SCAPER: variants seen among roughly 807,000 people sequenced by gnomAD.
SCAPER encodes S-phase cyclin A associated protein in the ER.
Under a neutral mutation model 182.2 loss-of-function variants are expected in SCAPER, and 98 were observed. The observed-to-expected ratio is 0.54, with a 90% confidence interval of 0.46 to 0.64. SCAPER has a LOEUF of 0.64. Among genes scored for constraint, SCAPER ranks in the 30% least tolerant of loss-of-function variants. The pLI, the probability that SCAPER is intolerant of heterozygous loss-of-function variation, is 0.00. For synonymous variants in SCAPER, 605 were observed against 564.6 expected (o/e 1.07, Z -1.01); for missense variants, 1,432 against 1,690.0 (o/e 0.85, Z 2.68).
intron 27 of SCAPER, among the ~76,000 whole-genome samples, chr15:76,404,033 T>C (rs2044650009): frequency 1.3e-5 from 2 of 152,162 alleles, no homozygotes; most frequent in African/African-American, 2.4e-5. Flanking sequence ...CAGGGACCTA[T>C]TGTTTTAGAT....
At chr15:76,448,686 A>G (rs964041833) in intron 25 of SCAPER, among the ~76,000 whole-genome samples, 2 of 152,220 alleles carry the variant, frequency 1.3e-5, no homozygotes, top group African/African-American at 4.8e-5. Context: ...AAAATGGCCT[A>G]GCAGGAGGAA....
chr15:76,626,271 T>C (rs1304032332), intron 21 of SCAPER, among the ~76,000 whole-genome samples: 1 of 152,200 alleles, frequency 6.6e-6, no homozygotes, highest in African/African-American at 2.4e-5. Flanking sequence ...TCCCATTTGA[T>C]TCACTTTTAG....
intron 21 of SCAPER, 41 bp from the exon 22 acceptor site, chr15:76,621,870 A>G (rs759077198): frequency 7.1e-7 from 1 of 1,415,052 alleles, no homozygotes; most frequent in South Asian, 1.2e-5. Flanking sequence ...TTTCACTGCT[A>G]ATTTTTATAA....
chr15:76,753,685 TA>T, intron 15 of SCAPER, 122 bp downstream of exon 15: 1 of 1,138,384 alleles, frequency 8.8e-7, no homozygotes, highest in Non-Finnish European at 1.2e-6. Flanking sequence ...AATGAGTGTG[TA>T]AAATGCTGTT....
intron 22 of SCAPER, among the ~76,000 whole-genome samples, chr15:76,590,147 C>T (rs1374540904): frequency 6.6e-6 from 1 of 152,178 alleles, no homozygotes; most frequent in Non-Finnish European, 1.5e-5. Flanking sequence ...CAGTGCAAGT[C>T]TCCACACACA....
At chr15:76,716,390 C>A (rs2059890112) in intron 17 of SCAPER, among the ~76,000 whole-genome samples, 1 of 151,864 alleles carries the variant, frequency 6.6e-6, no homozygotes, top group South Asian at 2.1e-4. Flanking sequence ...GGCAGGGTCA[C>A]AAGAAACATG....
At chr15:76,399,279 A>G (rs538867935) in intron 27 of SCAPER, among the ~76,000 whole-genome samples, 1 of 152,212 alleles carries the variant, frequency 6.6e-6, no homozygotes, top group South Asian at 2.1e-4. Context: ...CTGGGATTAC[A>G]GGTGCCTGCC....
intron 1 of SCAPER, among the ~76,000 whole-genome samples, chr15:76,895,730 T>C (rs981951431): frequency 1.3e-5 from 2 of 151,746 alleles, no homozygotes; most frequent in African/African-American, 4.8e-5. Flanking sequence ...CAATGAACCA[T>C]CCAAAAAAGA....
At chr15:76,656,977 C>T (rs2055700294) in intron 21 of SCAPER, among the ~76,000 whole-genome samples, 2 of 152,094 alleles carry the variant, frequency 1.3e-5, no homozygotes, top group South Asian at 4.1e-4. Flanking sequence ...CCTAACATCA[C>T]ATCCAGATGA....
At chr15:76,832,635 G>C (rs1275688626) in intron 5 of SCAPER, among the ~76,000 whole-genome samples, 1 of 152,142 alleles carries the variant, frequency 6.6e-6, no homozygotes, top group Admixed American at 6.5e-5. Flanking sequence ...GGGCCTAGTG[G>C]GAGGTGACTG....
At chr15:76,589,006 C>T (rs1018726449) in intron 22 of SCAPER, among the ~76,000 whole-genome samples, 3 of 152,058 alleles carry the variant, frequency 2.0e-5, no homozygotes, top group Non-Finnish European at 4.4e-5. Flanking sequence ...AGTGATTGTT[C>T]TCTTCTGGAT....
At chr15:76,676,783 T>C (rs143930014) in intron 20 of SCAPER, among the ~76,000 whole-genome samples, 80 of 151,692 alleles carry the variant, frequency 5.3e-4, no homozygotes, top group African/African-American at 1.8e-3. Context: ...GTGTGAGTTT[T>C]ATATATTTGG....
intron 17 of SCAPER, among the ~76,000 whole-genome samples, chr15:76,716,892 T>C (rs901267188): frequency 3.3e-5 from 5 of 151,216 alleles, no homozygotes; most frequent in Non-Finnish European, 7.4e-5. Flanking sequence ...TCTTGGGACT[T>C]AGGAAGAGAG....
intron 5 of SCAPER, among the ~76,000 whole-genome samples, chr15:76,835,504 T>A (rs967930976): frequency 2.0e-5 from 3 of 152,014 alleles, no homozygotes; most frequent in African/African-American, 7.2e-5. Context: ...TCACTTCATG[T>A]TAAAAACCCT....
intron 26 of SCAPER, among the ~76,000 whole-genome samples, chr15:76,429,909 C>T (rs1240807646): frequency 6.6e-6 from 1 of 152,174 alleles, no homozygotes; most frequent in Non-Finnish European, 1.5e-5. Flanking sequence ...CCCCTCCCAT[C>T]ACAGACCTGG....
chr15:76,735,308 G>A (rs1238019219), intron 15 of SCAPER, among the ~76,000 whole-genome samples: 3 of 152,126 alleles, frequency 2.0e-5, no homozygotes, highest in African/African-American at 4.8e-5. Flanking sequence ...AGGAGTTAGA[G>A]GCTGCAGTGA....
intron 25 of SCAPER, among the ~76,000 whole-genome samples, chr15:76,438,701 C>T (rs1018891553): frequency 6.6e-6 from 1 of 152,198 alleles, no homozygotes; most frequent in African/African-American, 2.4e-5. Flanking sequence ...GGTCTAAAGG[C>T]CTTTACTCTA....
chr15:76,845,291 T>C (rs1368075894), intron 4 of SCAPER, among the ~76,000 whole-genome samples: 2 of 152,154 alleles, frequency 1.3e-5, no homozygotes, highest in African/African-American at 4.8e-5. Context: ...ACTGAAAGCC[T>C]TTCCTTTAAG....
At chr15:76,635,434 T>C (rs1355472931) in intron 21 of SCAPER, among the ~76,000 whole-genome samples, 1 of 151,514 alleles carries the variant, frequency 6.6e-6, no homozygotes, top group Admixed American at 6.6e-5. Flanking sequence ...CAGGAATTGA[T>C]TTTTTTTTCC....
Sources: gnomAD v4.1 joint callset for allele counts (sites outside exome capture counted in the v4.1 genomes callset) on GRCh38, gnomAD v4.1.1 for gene constraint, MANE v1.5 for transcripts, NCBI Gene and HGNC (gene_info 2026-07-23, HGNC 2026-07-21) for gene names.